The following PPHLN1 variants were observed in gnomAD, a reference collection of about 807,000 sequenced individuals.
PPHLN1 encodes the protein periphilin 1.
Under a neutral mutation model 51.3 loss-of-function variants are expected in PPHLN1, and 29 were observed. The observed-to-expected ratio is 0.57, with a 90% CI of 0.42 to 0.77. The LOEUF is 0.77. PPHLN1 is among the 30% of genes least tolerant of loss of function. The pLI is 0.00. For synonymous variants in PPHLN1, 147 were observed against 147.8 expected (o/e 0.99, Z 0.04); for missense variants, 436 against 438.4 (o/e 0.99, Z 0.05).
At chr12:42,412,506 G>T (rs1423888725) in intron 9 of PPHLN1, among the ~76,000 whole-genome samples, 2 of 152,010 alleles carry the variant, frequency 1.3e-5, no homozygotes, top group African/African-American at 2.4e-5. Flanking sequence ...ACTTAGGTTG[G>T]TTCTATATCT....
intron 9 of PPHLN1, among the ~76,000 whole-genome samples, chr12:42,404,935 G>C (rs1021379153): frequency 6.6e-6 from 1 of 152,164 alleles, no homozygotes; most frequent in African/African-American, 2.4e-5. Context: ...GCTGAGGCAG[G>C]AGAATCGCTT....
intron 9 of PPHLN1, among the ~76,000 whole-genome samples, chr12:42,406,086 G>GTTTT (rs56927510): frequency 0.013 from 1,730 of 135,182 alleles, 53 homozygotes; most frequent in African/African-American, 0.042. Context: ...GTTTAGTCTG[G>GTTTT]TTTTTTTTTT....
intron 8 of PPHLN1, among the ~76,000 whole-genome samples, chr12:42,395,169 C>A (rs1041191452): frequency 2.6e-5 from 4 of 151,726 alleles, no homozygotes; most frequent in Non-Finnish European, 5.9e-5. Context: ...TTTTAAACAT[C>A]TTTTTTTTCC....
downstream of PPHLN1, chr12:42,444,985 C>A: frequency 2.9e-6 from 2 of 691,492 alleles, no homozygotes; most frequent in Non-Finnish European, 5.3e-6. Context: ...GCCCTAGAAA[C>A]TTTTTCTGTT....
chr12:42,439,748 C>T (rs891783211), intron 9 of PPHLN1, among the ~76,000 whole-genome samples: 1 of 152,216 alleles, frequency 6.6e-6, no homozygotes, highest in Non-Finnish European at 1.5e-5. Flanking sequence ...TGGTCTCAAA[C>T]TCCTGACCTA....
intron 9 of PPHLN1, among the ~76,000 whole-genome samples, chr12:42,417,533 TTAA>T (rs1274027664): frequency 6.6e-6 from 1 of 152,130 alleles, no homozygotes; most frequent in Non-Finnish European, 1.5e-5. Context: ...GACTAAGGAG[TTAA>T]TAGTGGATCA....
At chr12:42,329,746 G>A (rs1018381306) in intron 1 of PPHLN1, 5 of 152,144 alleles carry the variant, frequency 3.3e-5, no homozygotes, top group Non-Finnish European at 5.9e-5. Context: ...TGACATTGAA[G>A]GGCAGGAAAG....
chr12:42,446,020 G>A (rs749776547), downstream of PPHLN1: 9 of 1,548,436 alleles, frequency 5.8e-6, no homozygotes, highest in South Asian at 1.1e-4. Context: ...CCATAGTGGG[G>A]CTAGGACCCA....
chr12:42,430,045 GA>G (rs1428049744), intron 9 of PPHLN1, among the ~76,000 whole-genome samples: 2 of 152,130 alleles, frequency 1.3e-5, no homozygotes, highest in African/African-American at 4.8e-5. Flanking sequence ...ATGGCCGGGG[GA>G]GCTCCTGGAT....
intron 7 of PPHLN1, among the ~76,000 whole-genome samples, chr12:42,392,782 T>G (rs2077844083): frequency 6.6e-6 from 1 of 152,212 alleles, no homozygotes; most frequent in Admixed American, 6.5e-5. Context: ...GTATAATAGA[T>G]TCACATCAGT....
downstream of PPHLN1, chr12:42,446,646 C>T: frequency 6.2e-7 from 1 of 1,612,108 alleles, no homozygotes; most frequent in Non-Finnish European, 8.5e-7. Context: ...ACTGTTGCTG[C>T]ACACATCTGT....
At chr12:42,330,473 A>G (rs1259028985) in intron 1 of PPHLN1, among the ~76,000 whole-genome samples, 2 of 152,196 alleles carry the variant, frequency 1.3e-5, no homozygotes, top group Admixed American at 1.3e-4. Flanking sequence ...AGGTCCCTGC[A>G]GCTTTCCGCA....
chr12:42,334,988 T>A (rs1294854566), intron 1 of PPHLN1, among the ~76,000 whole-genome samples: 1 of 152,238 alleles, frequency 6.6e-6, no homozygotes, highest in Non-Finnish European at 1.5e-5. Context: ...TCTGATCTTT[T>A]GAAGAAAAAT....
In PPHLN1 at chr12:42,355,211, A is replaced by G. The variant is rs1370814957; in HGVS notation, c.288A>G (p.Gln96=). The change falls in exon 4 of 10, where the codon CAA becomes CAG. Residue 96 remains glutamine, a synonymous_variant. Coordinates refer to ENST00000358314, the MANE Select transcript of PPHLN1 (RefSeq NM_201439.2). ...WTRDDHSASR[Q]PEYRDMRDGF... is the part of the protein sequence containing the mutation. Reference sequence around the variant, plus strand: ...GAGACGATCATTCTGCAAGCAGGCAACCTGAATACAGGTAAAAGGATAAAA... The same window carrying G: ...GAGACGATCATTCTGCAAGCAGGCAGCCTGAATACAGGTAAAAGGATAAAA... The G allele has an allele frequency of 6.2e-7, 1 of 1,613,184 alleles. No homozygotes were observed. Among genetic ancestry groups the G allele is most frequent in the East Asian group, 2.2e-5 (1 of 44,828 alleles).
Position 42,354,637 on chromosome 12 carries a change from TAAATA to T in PPHLN1, c.238-521_238-517del, listed in dbSNP as rs747036881. Among the ~76,000 whole-genome samples the T allele has an allele frequency of 3.9e-5, 6 of 152,230 alleles. No individual in the cohort carries two copies. In the East Asian group the frequency reaches 1.2e-3, roughly 29 times the overall value. Reference sequence around the variant, plus strand: ...GATTAATTTTAAATTTATTTAAACTTAAATAAATTTAAATCTTATTCTGATATAGA... The same window carrying T: ...GATTAATTTTAAATTTATTTAAACTTAATTTAAATCTTATTCTGATATAGA... On this transcript the variant is annotated intron_variant, in intron 3 of 9. Transcript: ENST00000358314.
chr12:42,388,588 G>A (rs2077399317), intron 7 of PPHLN1, among the ~76,000 whole-genome samples: 1 of 152,112 alleles, frequency 6.6e-6, no homozygotes, highest in Non-Finnish European at 1.5e-5. Context: ...TATGGTGAGC[G>A]TCGGTCCCCT....
At chr12:42,411,392 T>C (rs151328321) in intron 9 of PPHLN1, among the ~76,000 whole-genome samples, 3 of 76,430 alleles carry the variant, frequency 3.9e-5, no homozygotes, top group Non-Finnish European at 1.1e-4. Context: ...TACTTGAGAC[T>C]GTCATTACAG....
At chr12:42,363,502 G>A (rs1287022120) in intron 4 of PPHLN1, among the ~76,000 whole-genome samples, 3 of 150,852 alleles carry the variant, frequency 2.0e-5, no homozygotes, top group Non-Finnish European at 4.4e-5. Flanking sequence ...TATAAATCTA[G>A]TATACGTGTA....
intron 6 of PPHLN1, among the ~76,000 whole-genome samples, chr12:42,385,479 G>A (rs936756269): frequency 6.6e-6 from 1 of 152,116 alleles, no homozygotes; most frequent in Non-Finnish European, 1.5e-5. Flanking sequence ...TAGCCTTTGG[G>A]CAGCTAAAAT....
Sources: allele counts gnomAD v4.1 joint callset (sites outside exome capture counted in the v4.1 genomes callset), GRCh38; gene constraint gnomAD v4.1.1; transcripts MANE v1.5; gene names NCBI Gene and HGNC (gene_info 2026-07-23, HGNC 2026-07-21).